Variants in PEX1 observed in about 807,000 individuals in gnomAD.
PEX1 encodes peroxisomal ATPase PEX1.
Under a neutral mutation model 152.5 loss-of-function variants are expected in PEX1, and 97 were observed. The ratio of observed to expected loss-of-function variants is 0.64; its 90% CI spans 0.54 to 0.75. PEX1 has a LOEUF of 0.75. Ranked by LOEUF, PEX1 falls within the 30% of genes least tolerant of loss-of-function variation. The probability of loss-of-function intolerance (pLI) is 0.00; values close to 1 mark genes in which losing one functional copy is unlikely to be tolerated. For synonymous variants in PEX1, 485 were observed against 531.6 expected (o/e 0.91, Z 1.21); for missense variants, 1,357 against 1,516.3 (o/e 0.89, Z 1.74).
intron 2 of PEX1, 25 bp downstream of exon 2, chr7:92,522,077 A>C: frequency 6.2e-7 from 1 of 1,610,004 alleles, no homozygotes; most frequent in Middle Eastern, 1.7e-4. Flanking sequence ...ATTAGAAGAA[A>C]GTTATTGCCA....
At chr7:92,498,104 A>G (rs893821331) in intron 16 of PEX1, among the ~76,000 whole-genome samples, 2 of 151,936 alleles carry the variant, frequency 1.3e-5, no homozygotes, top group South Asian at 4.2e-4. Context: ...AGGCAAAATA[A>G]CAGGAACAAG....
In PEX1 at chr7:92,499,847, C is replaced by A. The variant is rs370692491; in HGVS notation, c.2584-9G>T. On this transcript the variant is annotated splice_polypyrimidine_tract_variant and intron_variant, in intron 15 of 23. Coordinates refer to ENST00000248633, the MANE Select transcript of PEX1 (RefSeq NM_000466.3). ...GCAAATAATTCTGGATACTGAGAAACAAAAAAAAAAAATATGAAAAAGAGC... is the reference window on the plus strand; with the variant it reads ...GCAAATAATTCTGGATACTGAGAAAAAAAAAAAAAAAATATGAAAAAGAGC... 4.1e-4 allele frequency: 538 copies of A among 1,323,530 alleles called. No individual in the cohort carries two copies. The highest frequency in any genetic ancestry group is 8.6e-4 in the Admixed American group (46 of 53,382). The allele number at this position is 1,323,530 out of a possible 1,614,324, so 82.0% of individuals were successfully genotyped here. A position where few individuals can be genotyped will look rare whatever the true frequency, so the allele number is the denominator to read the frequency against.
In PEX1 at chr7:92,506,235, A is replaced by G. The variant is rs748832409; in HGVS notation, c.1900+13T>C. 2.9e-6 allele frequency: 4 copies of G among 1,396,802 alleles called. No homozygotes were observed. The highest frequency in any genetic ancestry group is 1.7e-5 in the Admixed American group (1 of 59,776). The allele number at this position is 1,396,802 out of a possible 1,614,324, so 86.5% of individuals were successfully genotyped here. A position where few individuals can be genotyped will look rare whatever the true frequency, so the allele number is the denominator to read the frequency against. ...GAAAAAGGGATTTATATAGAGTGTTACCATACTCATACCTCGTAAAGCTTT... is the reference window on the plus strand; with the variant it reads ...GAAAAAGGGATTTATATAGAGTGTTGCCATACTCATACCTCGTAAAGCTTT... On this transcript the variant is annotated intron_variant, in intron 11 of 23. Coordinates refer to ENST00000248633, the MANE Select transcript of PEX1 (RefSeq NM_000466.3).
chr7:92,512,618 A>C (rs1792529664), intron 6 of PEX1, among the ~76,000 whole-genome samples: 1 of 151,926 alleles, frequency 6.6e-6, no homozygotes, highest in Non-Finnish European at 1.5e-5. Flanking sequence ...CAGCCTCCTG[A>C]GTAGCTGAGA....
At position 92,496,824 on chromosome 7, in the gene PEX1, T is replaced by C. The variant is rs200152702; in HGVS notation, c.2719-47A>G. On this transcript the variant is annotated intron_variant, in intron 16 of 23. Coordinates refer to ENST00000248633, the MANE Select transcript of PEX1 (RefSeq NM_000466.3). ...GAGATAAAATTATTTAAAAAGAAAA[T>C]ATAAATTTGGTTTCTGACTAAGTCT... is the stretch of plus-strand genomic sequence containing the variant. 1.5e-4 allele frequency: 189 copies of C among 1,283,916 alleles called. No individual in the cohort carries two copies. The African/African-American group carries it at 2.4e-3, about 16-fold the overall frequency. 79.5% of individuals were successfully genotyped at this position (1,283,916 alleles called of 1,614,324 possible). A position where few individuals can be genotyped will look rare whatever the true frequency, so the allele number is the denominator to read the frequency against.
At chr7:92,498,883 T>C (rs1172040603) in intron 16 of PEX1, among the ~76,000 whole-genome samples, 1 of 152,254 alleles carries the variant, frequency 6.6e-6, no homozygotes, top group Non-Finnish European at 1.5e-5. Context: ...CCTTTAAGAA[T>C]GGTTTGCCCT....
At chr7:92,501,404 T>C (rs1791917892) in intron 15 of PEX1, 103 bp downstream of exon 15, 1 of 866,374 alleles carries the variant, frequency 1.2e-6, no homozygotes, top group Non-Finnish European at 2.0e-6. Context: ...TAAACACTTG[T>C]TGACTCACAC....
Position 92,511,698 on chromosome 7 carries a change from T to C in PEX1, c.1365A>G (p.Lys455=), listed in dbSNP as rs1792475306. 1.2e-6 allele frequency: 2 copies of C among 1,611,584 alleles called. No homozygotes were observed. The highest frequency in any genetic ancestry group is 1.7e-5 in the Admixed American group (1 of 60,018). Reference sequence around the variant, plus strand: ...TTTTTATGTCTTCTTCACTTATGTCTTTAGGCTGCCAGAAAAAGGAATAGT... The same window carrying C: ...TTTTTATGTCTTCTTCACTTATGTCCTTAGGCTGCCAGAAAAAGGAATAGT... The part of the protein sequence containing the change: ...LKLQPRENLP[K]DISEEDIKTV... The change falls in exon 7 of 24, where the codon AAA becomes AAG. Residue 455 remains lysine (K), a synonymous_variant. Coordinates refer to ENST00000248633, the MANE Select transcript of PEX1 (RefSeq NM_000466.3).
At chr7:92,516,008 AAAGAGAAGAGAAGAGAAGAG>A (rs770569979) in intron 5 of PEX1, among the ~76,000 whole-genome samples, 15 of 103,504 alleles carry the variant, frequency 1.4e-4, no homozygotes, top group Non-Finnish European at 2.2e-4. Context: ...AAAGAAAAGA[AAAGAGAAGAGAAGAGAAGAG>A]AAGAGAAGAG....
intron 2 of PEX1, 141 bp downstream of exon 2, chr7:92,521,961 A>G (rs575491977): frequency 9.0e-6 from 7 of 780,970 alleles, no homozygotes; most frequent in South Asian, 8.0e-5. Context: ...GTCAGCTTCA[A>G]TATCCTAGAC....
At position 92,507,090 on chromosome 7, in the gene PEX1, G is replaced by A; in HGVS notation, c.1707C>T (p.His569=). 1 of 1,613,676 alleles carries A rather than the reference G, an allele frequency of 6.2e-7. No individual in the cohort carries two copies. Among genetic ancestry groups the A allele is most frequent in the Non-Finnish European group, 8.5e-7 (1 of 1,179,686 alleles). Residue 569 remains histidine (H), a synonymous_variant, in exon 10 of 24, where the codon CAC becomes CAT. Transcript: ENST00000248633. ...GGCGTCCCAGGAGGCTGTGAGTGATGTGCTCCAAGGAGGATACGCCTAAGG... is the reference window on the plus strand; with the variant it reads ...GGCGTCCCAGGAGGCTGTGAGTGATATGCTCCAAGGAGGATACGCCTAAGG... ...VNSLGVSSLE[H]ITHSLLGRPL...
rs1585254187 is a variant in PEX1, at chr7:92,517,352, C to T, written c.1163G>A (p.Trp388Ter). 1.2e-6 allele frequency: 2 copies of T among 1,613,610 alleles called. No individual in the cohort carries two copies. The highest frequency in any genetic ancestry group is 2.2e-5 in the East Asian group (1 of 44,858). ...ATTGTTCAATTCTTCAAGTCCATTC[C>T]AGACTACTTGTAGCACACAGGCCTT... ...DEKACVLQVV[W>*]NGLEELNNAI... The change falls in exon 5 of 24, where the codon TGG (tryptophan) becomes TAG (stop). Residue 388 changes from tryptophan (W) to a stop codon, truncating the protein, a stop_gained. Coordinates refer to ENST00000248633, the MANE Select transcript of PEX1 (RefSeq NM_000466.3). LOFTEE classifies it high-confidence loss of function.
At chr7:92,497,355 G>A (rs1185008460) in intron 16 of PEX1, among the ~76,000 whole-genome samples, 1 of 151,712 alleles carries the variant, frequency 6.6e-6, no homozygotes, top group African/African-American at 2.4e-5. Context: ...TAAAAAATGT[G>A]TAGAGATATG....
intron 1 of PEX1, 63 bp downstream of exon 1, chr7:92,528,244 G>T (rs1161536958): frequency 1.3e-6 from 2 of 1,540,236 alleles, no homozygotes; most frequent in African/African-American, 2.7e-5. Context: ...CCGCGTCCCT[G>T]AGAGGCTTCG....
Position 92,487,435 on chromosome 7 carries a change from C to A in PEX1, c.*22G>T. 1 of 1,351,652 alleles carries A rather than the reference C, an allele frequency of 7.4e-7. No homozygotes were observed. The allele number at this position is 1,351,652 out of a possible 1,614,324, so 83.7% of individuals were successfully genotyped here. A position where few individuals can be genotyped will look rare whatever the true frequency, so the allele number is the denominator to read the frequency against. On this transcript the variant is annotated 3_prime_UTR_variant, in exon 24 of 24. Transcript: ENST00000248633. ...AAAGCCATCAAAAAACTTAACAGAA[C>A]CAAATCAAAAAGAAGTATATTTTAT... is the stretch of plus-strand genomic sequence containing the variant.
At chr7:92,501,224 TG>T (rs1791907484) in intron 15 of PEX1, among the ~76,000 whole-genome samples, 1 of 152,164 alleles carries the variant, frequency 6.6e-6, no homozygotes, top group Non-Finnish European at 1.5e-5. Context: ...CTGGGGAGGC[TG>T]AGGCAGGAGG....
chr7:92,523,398 T>C (rs1216236736), intron 1 of PEX1, among the ~76,000 whole-genome samples: 1 of 152,050 alleles, frequency 6.6e-6, no homozygotes, highest in Non-Finnish European at 1.5e-5. Flanking sequence ...CATAGGTCAC[T>C]GTAACTTGAA....
At chr7:92,514,116 C>T in intron 5 of PEX1, 149 bp from the exon 6 acceptor site, 2 of 572,130 alleles carry the variant, frequency 3.5e-6, no homozygotes, top group East Asian at 3.1e-5. Context: ...TCAGTCCATG[C>T]AGGCTGCTAT....
chr7:92,516,305 T>A (rs1412541822), intron 5 of PEX1, among the ~76,000 whole-genome samples: 1 of 151,854 alleles, frequency 6.6e-6, no homozygotes, highest in Non-Finnish European at 1.5e-5. Flanking sequence ...TGCATGCCTG[T>A]AGTCCCAGCT....
Sources: allele counts gnomAD v4.1 joint callset (sites outside exome capture counted in the v4.1 genomes callset), GRCh38; gene constraint gnomAD v4.1.1; transcripts MANE v1.5; gene names NCBI Gene and HGNC (gene_info 2026-07-23, HGNC 2026-07-21).